KAT6B: variants seen among roughly 807,000 people sequenced by gnomAD.
KAT6B encodes lysine acetyltransferase 6B.
Under a neutral mutation model 187.5 loss-of-function variants are expected in KAT6B, and 10 were observed. That is an observed-to-expected ratio of 0.05 (90% CI 0.03 to 0.09). The LOEUF is 0.09. KAT6B is among the 10% of genes least tolerant of loss of function. The probability of loss-of-function intolerance (pLI) is 1.00; values close to 1 mark genes in which losing one functional copy is unlikely to be tolerated. For missense variants in KAT6B, 1,952 were observed against 2,558.9 expected (o/e 0.76, Z 5.12); for synonymous variants, 861 against 926.8 (o/e 0.93, Z 1.29).
chr10:74,880,234 T>G (rs1844748121), intron 3 of KAT6B, among the ~76,000 whole-genome samples: 1 of 152,232 alleles, frequency 6.6e-6, no homozygotes, highest in Non-Finnish European at 1.5e-5. Flanking sequence ...GCCCATTTCC[T>G]GCTTCCTTTA....
intron 4 of KAT6B, among the ~76,000 whole-genome samples, chr10:74,960,873 T>A (rs1297457626): frequency 6.6e-6 from 1 of 152,236 alleles, no homozygotes. Context: ...GATATTGTTA[T>A]CCTTGATTGC....
chr10:74,932,525 T>C (rs1848959343), intron 3 of KAT6B, among the ~76,000 whole-genome samples: 1 of 152,132 alleles, frequency 6.6e-6, no homozygotes, highest in African/African-American at 2.4e-5. Context: ...TCTGAAAACA[T>C]AGATGAAATA....
rs746984495 is a variant in KAT6B at position 74,975,748 on chromosome 10, A to C, written c.1411A>C (p.Lys471Gln). The change falls in exon 8 of 18, where the codon AAA (lysine) becomes CAA (glutamine). Residue 471 changes from lysine (K) to glutamine (Q), a missense_variant. Around this residue, in one of 9 missense-constraint regions of KAT6B, gnomAD observed 417 missense variants for 508.9 expected, o/e 0.82. Coordinates refer to ENST00000287239, the MANE Select transcript of KAT6B (RefSeq NM_012330.4). ...TCGTCCAAGGAAAAAGGTCTCTCAG[A>C]AACAGTCATGCACTTCTCATGTGTT... ...HYRPRKKVSQ[K>Q]QSCTSHVLAT... is the part of the protein sequence containing the mutation. 6.2e-7 allele frequency: 1 copy of C among 1,614,202 alleles called. No individual in the cohort carries two copies. Among genetic ancestry groups the C allele is most frequent in the Non-Finnish European group, 8.5e-7 (1 of 1,180,030 alleles).
At chr10:74,855,438 A>T (rs1842756052) in intron 3 of KAT6B, among the ~76,000 whole-genome samples, 1 of 152,254 alleles carries the variant, frequency 6.6e-6, no homozygotes, top group South Asian at 2.1e-4. Flanking sequence ...ACATAAGAAC[A>T]TATTAAAATC....
rs937766442 is a variant in KAT6B at position 74,979,217 on chromosome 10, T to A, written c.2116-7T>A. Reference sequence around the variant, plus strand: ...ATTATTATTTTCCTTTTCTTTCTATTTGACAGAAAATAGAGTGTGAGAGTG... The same window carrying A: ...ATTATTATTTTCCTTTTCTTTCTATATGACAGAAAATAGAGTGTGAGAGTG... On this transcript the variant is annotated splice_polypyrimidine_tract_variant and splice_region_variant and intron_variant, in intron 9 of 17. Coordinates refer to ENST00000287239, the MANE Select transcript of KAT6B (RefSeq NM_012330.4). The A allele has an allele frequency of 1.3e-6, 2 of 1,593,996 alleles. No homozygotes were observed. Among genetic ancestry groups the A allele is most frequent in the Non-Finnish European group, 1.7e-6 (2 of 1,161,796 alleles).
At chr10:74,884,077 C>G (rs1293062952) in intron 3 of KAT6B, among the ~76,000 whole-genome samples, 1 of 152,210 alleles carries the variant, frequency 6.6e-6, no homozygotes, top group African/African-American at 2.4e-5. Flanking sequence ...TAGACAGTTC[C>G]TTTATTCCAA....
chr10:74,870,144 T>A (rs1221701597), intron 3 of KAT6B, among the ~76,000 whole-genome samples: 1 of 151,964 alleles, frequency 6.6e-6, no homozygotes, highest in Non-Finnish European at 1.5e-5. Context: ...ACAGGTGTGA[T>A]GGCATGCCCC....
At chr10:74,969,621 C>A in intron 4 of KAT6B, 39 bp from the exon 5 acceptor site, 1 of 1,207,104 alleles carries the variant, frequency 8.3e-7, no homozygotes, top group Non-Finnish European at 1.2e-6. Context: ...AAGTCAAAGG[C>A]ACCATTCCCA....
intron 3 of KAT6B, among the ~76,000 whole-genome samples, chr10:74,878,943 C>T (rs1337781967): frequency 6.6e-6 from 1 of 152,164 alleles, no homozygotes; most frequent in Non-Finnish European, 1.5e-5. Flanking sequence ...TCTATTCCCA[C>T]AGGGGAAAGA....
In KAT6B at chr10:74,890,542, A is replaced by C. The variant is rs551811436; in HGVS notation, c.621+47064A>C. Among the ~76,000 whole-genome samples the C allele has an allele frequency of 2.6e-3, 401 of 152,284 alleles. 3 individuals are homozygous for C. Among genetic ancestry groups the C allele is most frequent in the Middle Eastern group, 0.017 (5 of 294 alleles). On this transcript the variant is annotated intron_variant, in intron 3 of 17. Coordinates refer to ENST00000287239, the MANE Select transcript of KAT6B (RefSeq NM_012330.4). ...GAGTGACAGAGCAAGACTCCGTCTC[A>C]AAACAAACAAACAAACAAACAAAAA...
intron 3 of KAT6B, among the ~76,000 whole-genome samples, chr10:74,957,197 A>T (rs1840748500): frequency 6.6e-6 from 1 of 152,214 alleles, no homozygotes; most frequent in African/African-American, 2.4e-5. Context: ...TTCATTTCGT[A>T]CAAGTGACAA....
At chr10:74,935,456 G>T (rs570381506) in intron 3 of KAT6B, among the ~76,000 whole-genome samples, 1 of 151,708 alleles carries the variant, frequency 6.6e-6, no homozygotes, top group South Asian at 2.1e-4. Context: ...GCGCCACCAT[G>T]CCTGACTAAT....
At chr10:74,844,969 C>T (rs1184906255) in intron 3 of KAT6B, among the ~76,000 whole-genome samples, 1 of 152,170 alleles carries the variant, frequency 6.6e-6, no homozygotes, top group Non-Finnish European at 1.5e-5. Flanking sequence ...GTAGTCCCAG[C>T]ACCTTGGGAG....
chr10:74,981,987 A>G, intron 11 of KAT6B, 59 bp downstream of exon 11: 1 of 1,467,696 alleles, frequency 6.8e-7, no homozygotes, highest in East Asian at 2.3e-5. Context: ...CTAATTGTTG[A>G]CTATGTGCTG....
chr10:74,859,592 G>T (rs1843038807), intron 3 of KAT6B, among the ~76,000 whole-genome samples: 1 of 152,202 alleles, frequency 6.6e-6, no homozygotes, highest in South Asian at 2.1e-4. Flanking sequence ...CAATGTTTCA[G>T]CAGTCTTCTG....
chr10:74,830,749 TATATATATATATATATATA>T (rs1242615070), intron 1 of KAT6B, among the ~76,000 whole-genome samples: 4 of 24,074 alleles, frequency 1.7e-4, no homozygotes, highest in South Asian at 1.8e-3. Context: ...TATATATATA[TATATATATATATATATATA>T]TTTTTTTTTT....
In KAT6B at chr10:75,029,732, C is replaced by A. The variant is rs773357891; in HGVS notation, c.4908C>A (p.Ile1636=). 2 of 1,614,088 alleles carry A rather than the reference C, an allele frequency of 1.2e-6. No individual in the cohort carries two copies. Among genetic ancestry groups the A allele is most frequent in the East Asian group, 4.5e-5 (2 of 44,894 alleles). The change falls in exon 18 of 18, where the codon ATC becomes ATA. Residue 1636 remains isoleucine (I), a synonymous_variant. Transcript: ENST00000287239. This position sits in a 1 kb window ranked among gnomAD's most constrained non-coding sequence, Gnocchi z 6.2. ...AAATCAGCCCAGATCAAAGTGCCAT[C>A]TCAGTGCCATCTCTGCAGAACATGG... ...YAQISPDQSA[I]SVPSLQNMET...
intron 3 of KAT6B, among the ~76,000 whole-genome samples, chr10:74,860,342 G>A (rs1843092165): frequency 6.6e-6 from 1 of 152,110 alleles, no homozygotes; most frequent in South Asian, 2.1e-4. Context: ...TTTGAAGGCT[G>A]TACAAAAAAC....
chr10:74,930,138 G>A (rs964910320), intron 3 of KAT6B, among the ~76,000 whole-genome samples: 4 of 152,034 alleles, frequency 2.6e-5, no homozygotes, highest in Non-Finnish European at 5.9e-5. Flanking sequence ...GGTCAGGCTG[G>A]TCCCGAACTC....
Sources: allele counts gnomAD v4.1 joint callset (sites outside exome capture counted in the v4.1 genomes callset), GRCh38; gene constraint gnomAD v4.1.1; regional missense constraint gnomAD v4.1.1; non-coding constraint Gnocchi (gnomAD v3.1); transcripts MANE v1.5; gene names NCBI Gene and HGNC (gene_info 2026-07-23, HGNC 2026-07-21).